Variants in LPAR5 observed in about 807,000 individuals in gnomAD.
The protein encoded by LPAR5 is G protein-coupled receptor 92.
For missense variants in LPAR5, 544 were observed against 521.8 expected, an observed-to-expected ratio of 1.04 and a Z score of -0.41; for synonymous variants, 271 against 261.6, an observed-to-expected ratio of 1.04 and a Z score of -0.35.
chr12:6,619,323 GGA>G lies in LPAR5; in HGVS notation c.*805_*806del, dbSNP rs72336301. On this transcript the variant is annotated 3_prime_UTR_variant, in exon 2 of 2. Coordinates refer to ENST00000329858, the MANE Select transcript of LPAR5 (RefSeq NM_020400.6). ...GAATTTTATCCTTACTCTGGACAAA[GGA>G]GAGAGAGGGAGAGAGAGAGAAGAGG... The G allele has an allele frequency of 0.05, 7,537 of 149,710 alleles. 268 individuals carry two copies. The highest frequency in any genetic ancestry group is 0.079 in the Non-Finnish European group (5,341 of 67,516). The allele number at this position is 149,710 out of a possible 1,614,324, so 9.3% of individuals were successfully genotyped here.
rs143734453 is a variant in LPAR5 at position 6,621,167 on chromosome 12, C to T, written c.82G>A (p.Val28Ile). Residue 28 changes from valine to isoleucine, a missense_variant, in exon 2 of 2, where the codon GTC (valine) becomes ATC (isoleucine). Transcript: ENST00000329858. ...YRPTHRLHLVVYSLVLAAGLP... is the reference protein window; with the variant it reads ...YRPTHRLHLVIYSLVLAAGLP... ...CCGGCAGCCAGCACCAAGCTGTAGACCACCAAGTGCAGGCGGTGGGTAGGT... is the reference window on the plus strand; with the variant it reads ...CCGGCAGCCAGCACCAAGCTGTAGATCACCAAGTGCAGGCGGTGGGTAGGT... 6 of 1,583,236 alleles carry T rather than the reference C, an allele frequency of 3.8e-6. No homozygotes were observed. The African/African-American group carries it at 6.8e-5, about 18-fold the overall frequency.
At position 6,619,342 on chromosome 12, in the gene LPAR5, G is replaced by A. The variant is rs978224326; in HGVS notation, c.*788C>T. ...GACAAAGGAGAGAGAGGGAGAGAGA[G>A]AGAAGAGGAGAAGAGAGAGGAGAGG... On this transcript the variant is annotated 3_prime_UTR_variant, in exon 2 of 2. Transcript: ENST00000329858. 1.0e-5 allele frequency: 1 copy of A among 99,606 alleles called. No individual in the cohort carries two copies. The highest frequency in any genetic ancestry group is 2.8e-5 in the African/African-American group (1 of 35,744). 6.2% of individuals were successfully genotyped at this position (99,606 alleles called of 1,614,324 possible). A position where few individuals can be genotyped will look rare whatever the true frequency, so the allele number is the denominator to read the frequency against.
intron 1 of LPAR5, among the ~76,000 whole-genome samples, chr12:6,632,407 T>C (rs1381709231): frequency 6.6e-6 from 1 of 152,178 alleles, no homozygotes; most frequent in African/African-American, 2.4e-5. Flanking sequence ...CCCACCCTCA[T>C]TTTAGAGTCT....
At chr12:6,631,407 A>C (rs963486608) in intron 1 of LPAR5, among the ~76,000 whole-genome samples, 2 of 152,002 alleles carry the variant, frequency 1.3e-5, no homozygotes, top group African/African-American at 4.8e-5. Flanking sequence ...GGAGATCTCA[A>C]CCCCAAGGCA....
In LPAR5 at chr12:6,619,668, G is replaced by C; in HGVS notation, c.*462C>G. On this transcript the variant is annotated 3_prime_UTR_variant, in exon 2 of 2. Transcript: ENST00000329858. ...GGGGAAGCCTAGGCCGAAATGAAAG[G>C]GGGTGGCATCCATGAGCCTAGACAG... 1 of 330,872 alleles carries C rather than the reference G, an allele frequency of 3.0e-6. No individual in the cohort carries two copies. Among genetic ancestry groups the C allele is most frequent in the Non-Finnish European group, 6.0e-6 (1 of 167,034 alleles). 20.5% of individuals were successfully genotyped at this position (330,872 alleles called of 1,614,324 possible).
chr12:6,632,492 A>G (rs1412740585), intron 1 of LPAR5, among the ~76,000 whole-genome samples: 5 of 152,136 alleles, frequency 3.3e-5, no homozygotes, highest in African/African-American at 7.2e-5. Flanking sequence ...TCGCTGAATT[A>G]GCGAAGCCTA....
intron 1 of LPAR5, among the ~76,000 whole-genome samples, chr12:6,630,758 C>T (rs1478433799): frequency 1.3e-5 from 2 of 152,184 alleles, no homozygotes; most frequent in South Asian, 2.1e-4. Flanking sequence ...GGCCCCAGCC[C>T]ATCTTTATAA....
intron 1 of LPAR5, among the ~76,000 whole-genome samples, chr12:6,625,532 T>C (rs564665643): frequency 1.3e-3 from 202 of 150,470 alleles, no homozygotes; most frequent in Admixed American, 3.9e-3. Context: ...CCATCCTGGC[T>C]AACATGGTGA....
rs765625382 is a variant in LPAR5, at chr12:6,620,120, G to C, written c.*10C>G. ...GGAGTCGGGCACGGACAGCGCAATG[G>C]CATGTGTGTTCAGAGGGCGGAATCC... On this transcript the variant is annotated 3_prime_UTR_variant, in exon 2 of 2. Transcript: ENST00000329858. The surrounding 1 kb of genome is among the most constrained non-coding windows in gnomAD (Gnocchi z 6.8). 6.8e-6 allele frequency: 11 copies of C among 1,613,698 alleles called. No homozygotes were observed. The African/African-American group carries it at 1.5e-4, about 22-fold the overall frequency.
Position 6,620,586 on chromosome 12 carries a change from G to A in LPAR5, c.663C>T (p.Pro221=), listed in dbSNP as rs1324049409. The A allele has an allele frequency of 2.6e-6, 4 of 1,551,488 alleles. No individual in the cohort carries two copies. In the African/African-American group the frequency reaches 4.1e-5, roughly 16 times the overall value. The change falls in exon 2 of 2, where the codon CCC becomes CCT. Residue 221 remains proline, a synonymous_variant. Transcript: ENST00000329858. This position sits in a 1 kb window ranked among gnomAD's most constrained non-coding sequence, Gnocchi z 6.8. ...SGRVFWTLAR[P]DATQSQRRRK... ...GCCGCCGCTGGCTCTGCGTGGCGTCGGGGCGCGCCAGCGTCCAGAAGACTC... is the reference window on the plus strand; with the variant it reads ...GCCGCCGCTGGCTCTGCGTGGCGTCAGGGCGCGCCAGCGTCCAGAAGACTC...
In LPAR5 at chr12:6,631,029, C is replaced by T. The variant is rs544608664; in HGVS notation, c.-217+4878G>A. ...GGAGGGGCAGCCCAGACCCTCTCCC[C>T]CAATCCTGCCTTGAAGAAGAGGTCA... On this transcript the variant is annotated intron_variant, in intron 1 of 1. Coordinates refer to ENST00000329858, the MANE Select transcript of LPAR5 (RefSeq NM_020400.6). 2.0e-5 allele frequency among the ~76,000 whole-genome samples: 3 copies of T among 152,250 alleles called. No individual in the cohort carries two copies. The East Asian group carries it at 5.8e-4, about 29-fold the overall frequency.
intron 1 of LPAR5, among the ~76,000 whole-genome samples, chr12:6,632,094 CCT>C (rs372064881): frequency 1.3e-5 from 2 of 152,210 alleles, no homozygotes; most frequent in African/African-American, 4.8e-5. Flanking sequence ...GCCTCAGCCC[CCT>C]GAGTAGCTGG....
In LPAR5 at chr12:6,621,174, G is replaced by T; in HGVS notation, c.75C>A (p.His25Gln). 1 of 1,575,652 alleles carries T rather than the reference G, an allele frequency of 6.3e-7. No individual in the cohort carries two copies. The highest frequency in any genetic ancestry group is 8.6e-7 in the Non-Finnish European group (1 of 1,160,984). Residue 25 changes from histidine to glutamine, a missense_variant, in exon 2 of 2, where the codon CAC (histidine) becomes CAA (glutamine). Physicochemically the swap from His to Gln is conservative, Grantham distance 24. Transcript: ENST00000329858. ...CCAGCACCAAGCTGTAGACCACCAA[G>T]TGCAGGCGGTGGGTAGGTCGGTAGT... ...CPDYRPTHRL[H>Q]LVVYSLVLAA...
At chr12:6,629,671 CA>C (rs374044341) in intron 1 of LPAR5, among the ~76,000 whole-genome samples, 9,736 of 122,334 alleles carry the variant, frequency 0.08, 378 homozygotes, top group East Asian at 0.22. Context: ...GAGACTCCGT[CA>C]AAAAAAAAAA....
At chr12:6,632,465 T>C (rs1484151588) in intron 1 of LPAR5, among the ~76,000 whole-genome samples, 1 of 152,176 alleles carries the variant, frequency 6.6e-6, no homozygotes, top group Non-Finnish European at 1.5e-5. Context: ...CCCTCTTTAG[T>C]ATGTACTCTA....
Position 6,620,610 on chromosome 12 carries a change from TC to T in LPAR5, c.638del (p.Arg213GlnfsTer67). On this transcript the variant is annotated frameshift_variant, in exon 2 of 2. Coordinates refer to ENST00000329858, the MANE Select transcript of LPAR5 (RefSeq NM_020400.6). LOFTEE classifies it low-confidence loss of function (END_TRUNC). The surrounding 1 kb of genome is among the most constrained non-coding windows in gnomAD (Gnocchi z 6.8). ...PLAAVVYSSG[R>X]VFWTLARPDA... The stretch of plus-strand genomic sequence containing the variant: ...CGGGGCGCGCCAGCGTCCAGAAGAC[TC>T]GGCCCGACGAGTAGACCACCGCCGC... The T allele has an allele frequency of 1.3e-6, 2 of 1,551,508 alleles. No individual in the cohort carries two copies. Among genetic ancestry groups the T allele is most frequent in the Non-Finnish European group, 1.7e-6 (2 of 1,148,206 alleles).
At chr12:6,632,091 C>T (rs1459341315) in intron 1 of LPAR5, among the ~76,000 whole-genome samples, 2 of 152,182 alleles carry the variant, frequency 1.3e-5, no homozygotes, top group African/African-American at 4.8e-5. Context: ...CCTGCCTCAG[C>T]CCCCTGAGTA....
rs1008124982 is a variant in LPAR5 at position 6,618,978 on chromosome 12, C to G, written c.*1152G>C. ...GGTTCTCAAAGTGTGATCCAGGGAC[C>G]AACCCTCTGAGGAAGTCCACGAGGT... On this transcript the variant is annotated 3_prime_UTR_variant, in exon 2 of 2. Coordinates refer to ENST00000329858, the MANE Select transcript of LPAR5 (RefSeq NM_020400.6). The G allele has an allele frequency of 6.6e-6, 1 of 152,170 alleles. No homozygotes were observed. The highest frequency in any genetic ancestry group is 1.5e-5 in the Non-Finnish European group (1 of 68,046). The allele number at this position is 152,170 out of a possible 1,614,324, so 9.4% of individuals were successfully genotyped here.
At position 6,630,433 on chromosome 12, in the gene LPAR5, C is replaced by CTT. The variant is rs34529805; in HGVS notation, c.-217+5472_-217+5473dup. Among the ~76,000 whole-genome samples the CTT allele has an allele frequency of 3.6e-4, 15 of 41,826 alleles. 4 individuals are homozygous for CTT. Among genetic ancestry groups the CTT allele is most frequent in the African/African-American group, 1.3e-3 (12 of 9,544 alleles). The allele number at this position is 41,826 out of a possible 152,430, so 27.4% of individuals were successfully genotyped here. On this transcript the variant is annotated intron_variant, in intron 1 of 1. Transcript: ENST00000329858. ...GAGTGAACCACTGCACCCAGCCCAT[C>CTT]TTTTTTTTTTTTTTTTTTTTTTTTT...
Sources: allele counts gnomAD v4.1 joint callset (sites outside exome capture counted in the v4.1 genomes callset), GRCh38; gene constraint gnomAD v4.1.1; non-coding constraint Gnocchi (gnomAD v3.1); transcripts MANE v1.5; gene names NCBI Gene and HGNC (gene_info 2026-07-23, HGNC 2026-07-21).